Variants in FAM184A observed in about 807,000 individuals in gnomAD.
The protein encoded by FAM184A is protein FAM184A.
In FAM184A, 99 loss-of-function variants were observed where a neutral mutation model predicts 143.8. That is an observed-to-expected ratio of 0.69 (90% CI 0.58 to 0.81). The LOEUF is 0.81. Among genes scored for constraint, FAM184A ranks in the 40% least tolerant of loss-of-function variants. The pLI is 0.00. For missense variants in FAM184A, 1,217 were observed against 1,310.5 expected (o/e 0.93, Z 1.10); for synonymous variants, 427 against 446.4 (o/e 0.96, Z 0.55).
chr6:119,133,942 A>G (rs1462955883), intron 1 of FAM184A, among the ~76,000 whole-genome samples: 3 of 151,708 alleles, frequency 2.0e-5, no homozygotes, highest in Non-Finnish European at 4.4e-5. Flanking sequence ...TTGGCCTCCC[A>G]AAGTGTTGGG....
intron 1 of FAM184A, among the ~76,000 whole-genome samples, chr6:119,074,784 C>T (rs1159166467): frequency 1.3e-5 from 2 of 152,156 alleles, no homozygotes; most frequent in Non-Finnish European, 2.9e-5. Context: ...CAGAAACTTG[C>T]CATAATGTAG....
intron 1 of FAM184A, among the ~76,000 whole-genome samples, chr6:119,121,712 T>C (rs554843186): frequency 9.8e-5 from 15 of 152,346 alleles, no homozygotes; most frequent in African/African-American, 3.6e-4. Context: ...ATATCACTTA[T>C]ATCCGGCTTC....
chr6:119,052,137 T>A (rs185069891), intron 1 of FAM184A, among the ~76,000 whole-genome samples: 45 of 152,358 alleles, frequency 3.0e-4, no homozygotes, highest in African/African-American at 1.1e-3. Context: ...CTGTAATTCC[T>A]AAATTAGTTA....
intron 1 of FAM184A, chr6:119,025,526 G>A (rs563488335): frequency 1.9e-6 from 1 of 518,738 alleles, no homozygotes; most frequent in East Asian, 5.5e-5. Flanking sequence ...AGAGTTTTGA[G>A]TACAGGTCTT....
chr6:118,975,348 G>T, intron 12 of FAM184A, 140 bp from the exon 13 acceptor site: 1 of 628,780 alleles, frequency 1.6e-6, no homozygotes, highest in East Asian at 2.8e-5. Flanking sequence ...CTGCTGAAAT[G>T]AGAAAACCTC....
At chr6:119,147,064 G>GTTTTT (rs1202971153) in intron 1 of FAM184A, among the ~76,000 whole-genome samples, 5 of 116,370 alleles carry the variant, frequency 4.3e-5, no homozygotes, top group Admixed American at 2.8e-4. Context: ...GGCAGGCTCT[G>GTTTTT]TTTTTTTTTT....
intron 9 of FAM184A, among the ~76,000 whole-genome samples, chr6:118,997,245 T>C (rs2782575): frequency 0.82 from 119,267 of 146,246 alleles, 48,422 homozygotes; most frequent in Admixed American, 0.85. Context: ...ACTAAAAATA[T>C]AAAAATAAGC....
At chr6:119,138,901 C>T (rs894273183) in intron 1 of FAM184A, among the ~76,000 whole-genome samples, 2 of 152,168 alleles carry the variant, frequency 1.3e-5, no homozygotes, top group African/African-American at 4.8e-5. Flanking sequence ...GCTGGGATTA[C>T]AGGCATGAGC....
At position 119,032,723 on chromosome 6, in the gene FAM184A, A is replaced by G. The variant is rs9398498; in HGVS notation, c.160-7910T>C. Reference sequence around the variant, plus strand: ...GAAAAGACTCTCCCTCAGAATACATAACCACTACATGAGGCAAAAGGTAGC... The same window carrying G: ...GAAAAGACTCTCCCTCAGAATACATGACCACTACATGAGGCAAAAGGTAGC... On this transcript the variant is annotated intron_variant, in intron 1 of 17. Coordinates refer to ENST00000338891, the MANE Select transcript of FAM184A (RefSeq NM_024581.6). Among the ~76,000 whole-genome samples the G allele has an allele frequency of 7.6e-4, 115 of 152,308 alleles. 3 individuals are homozygous for G. In the East Asian group the frequency reaches 0.02, roughly 27 times the overall value.
At chr6:119,063,523 T>G (rs1051658976) in intron 1 of FAM184A, among the ~76,000 whole-genome samples, 16 of 152,352 alleles carry the variant, frequency 1.1e-4, no homozygotes, top group African/African-American at 3.8e-4. Flanking sequence ...TGGTAGTGTA[T>G]ATTCATAACA....
At chr6:118,986,989 A>AT (rs1241388339) in intron 9 of FAM184A, among the ~76,000 whole-genome samples, 2 of 152,186 alleles carry the variant, frequency 1.3e-5, no homozygotes, top group African/African-American at 4.8e-5. Flanking sequence ...TATTTTAATT[A>AT]TTTTTTACAT....
intron 1 of FAM184A, among the ~76,000 whole-genome samples, chr6:119,128,780 A>G (rs1035504166): frequency 6.6e-6 from 1 of 152,120 alleles, no homozygotes; most frequent in African/African-American, 2.4e-5. Context: ...TTTACCCCCA[A>G]ATATATTTCT....
Position 118,987,962 on chromosome 6 carries a change from T to A in FAM184A, c.2089-7612A>T, listed in dbSNP as rs139939550. On this transcript the variant is annotated intron_variant, in intron 9 of 17. Transcript: ENST00000338891. ...TTACCCATACACAAAATATATCTTA[T>A]TGAATGCCAAACAGTATTTTTTATA... 6.5e-3 allele frequency among the ~76,000 whole-genome samples: 985 copies of A among 152,328 alleles called. 8 individuals are homozygous for A. Among genetic ancestry groups the A allele is most frequent in the Non-Finnish European group, 8.6e-3 (584 of 68,018 alleles).
At chr6:119,131,243 A>G (rs1395349679) in intron 1 of FAM184A, among the ~76,000 whole-genome samples, 1 of 152,216 alleles carries the variant, frequency 6.6e-6, no homozygotes, top group East Asian at 1.9e-4. Context: ...TGAAGACGTA[A>G]AGATTCTCAG....
At chr6:119,137,322 G>GAGAGA (rs1318662367) in intron 1 of FAM184A, among the ~76,000 whole-genome samples, 4 of 64,786 alleles carry the variant, frequency 6.2e-5, no homozygotes, top group South Asian at 5.4e-4. Flanking sequence ...GAGAGAGACA[G>GAGAGA]AGAGAGAGAA....
intron 1 of FAM184A, among the ~76,000 whole-genome samples, chr6:119,026,073 T>C (rs532318242): frequency 6.6e-6 from 1 of 152,282 alleles, no homozygotes; most frequent in Admixed American, 6.5e-5. Flanking sequence ...GGGGCATCAC[T>C]TTCTCCACAT....
At chr6:119,026,918 G>C (rs984531540) in intron 1 of FAM184A, among the ~76,000 whole-genome samples, 1 of 151,790 alleles carries the variant, frequency 6.6e-6, no homozygotes, top group Non-Finnish European at 1.5e-5. Flanking sequence ...TCCCATACTC[G>C]GTCTTCTCCA....
At position 119,017,484 on chromosome 6, in the gene FAM184A, C is replaced by T. The variant is rs1025868906; in HGVS notation, c.1333-540G>A. On this transcript the variant is annotated intron_variant, in intron 4 of 17. Coordinates refer to ENST00000338891, the MANE Select transcript of FAM184A (RefSeq NM_024581.6). ...CTGCACTCCAGCCTGGGCGACAGAGCGAGACTCCATCTCAAAAAAAAAAAA... is the reference window on the plus strand; with the variant it reads ...CTGCACTCCAGCCTGGGCGACAGAGTGAGACTCCATCTCAAAAAAAAAAAA... 4.1e-5 allele frequency among the ~76,000 whole-genome samples: 6 copies of T among 148,042 alleles called. No homozygotes were observed. The East Asian group carries it at 1.2e-3, about 30-fold the overall frequency.
intron 1 of FAM184A, chr6:119,149,052 A>T (rs1157415271): frequency 6.6e-6 from 1 of 152,186 alleles, no homozygotes; most frequent in Admixed American, 6.5e-5. Context: ...ACACACAAAG[A>T]TTTAAGAAAG....
Sources: gnomAD v4.1 joint callset for allele counts (sites outside exome capture counted in the v4.1 genomes callset) on GRCh38, gnomAD v4.1.1 for gene constraint, MANE v1.5 for transcripts, NCBI Gene and HGNC (gene_info 2026-07-23, HGNC 2026-07-21) for gene names.